Variants in NTRK2 observed in about 807,000 individuals in gnomAD.
NTRK2 encodes the protein BDNF/NT-3 growth factors receptor.
Under a neutral mutation model 94.5 loss-of-function variants are expected in NTRK2, and 13 were observed. The ratio of observed to expected loss-of-function variants is 0.14; its 90% CI spans 0.09 to 0.22. The LOEUF (loss-of-function observed/expected upper bound fraction) is 0.22. Among genes scored for constraint, NTRK2 ranks in the 10% least tolerant of loss-of-function variants. NTRK2 has a pLI of 1.00. For synonymous variants in NTRK2, 372 were observed against 407.4 expected (o/e 0.91, Z 1.05); for missense variants, 639 against 1,071.2 (o/e 0.60, Z 5.63).
At chr9:84,832,201 C>A (rs922328605) in intron 12 of NTRK2, among the ~76,000 whole-genome samples, 2 of 152,138 alleles carry the variant, frequency 1.3e-5, no homozygotes, top group Non-Finnish European at 2.9e-5. Context: ...AAGTTACATG[C>A]CTGTGATGTT....
chr9:84,860,010 T>TACCCTTGA (rs1168105725), intron 12 of NTRK2, among the ~76,000 whole-genome samples: 1 of 152,240 alleles, frequency 6.6e-6, no homozygotes, highest in East Asian at 1.9e-4. Context: ...AGCCTACCTT[T>TACCCTTGA]ACCCTTGAAC....
At chr9:84,895,314 A>G (rs1249847972) in intron 14 of NTRK2, among the ~76,000 whole-genome samples, 2 of 152,186 alleles carry the variant, frequency 1.3e-5, no homozygotes, top group Admixed American at 6.5e-5. Flanking sequence ...GGCACTTTTG[A>G]TCCATTAGCT....
chr9:84,672,139 A>G (rs1014364701), intron 2 of NTRK2, among the ~76,000 whole-genome samples: 3 of 152,174 alleles, frequency 2.0e-5, no homozygotes, highest in African/African-American at 7.2e-5. Context: ...TGTTTCTGCC[A>G]ACGTAGTTGA....
chr9:84,669,794 T>G lies in NTRK2; in HGVS notation c.-467T>G, dbSNP rs2058581516. 6.5e-6 allele frequency: 1 copy of G among 152,816 alleles called. No individual in the cohort carries two copies. Among genetic ancestry groups the G allele is most frequent in the Admixed American group, 6.5e-5 (1 of 15,286 alleles). 9.5% of individuals were successfully genotyped at this position (152,816 alleles called of 1,614,324 possible). On this transcript the variant is annotated 5_prime_UTR_variant, in exon 1 of 19. Coordinates refer to ENST00000277120, the MANE Select transcript of NTRK2 (RefSeq NM_006180.6). This position sits in a 1 kb window ranked among gnomAD's most constrained non-coding sequence, Gnocchi z 4.1. ...AATTGGGTTGGAGCAGGAGCCTCGC[T>G]GGCTGCTTCGCTCGCGCTCTACGCG...
chr9:84,993,086 C>T (rs1161620933), intron 17 of NTRK2, among the ~76,000 whole-genome samples: 2 of 152,232 alleles, frequency 1.3e-5, no homozygotes, highest in East Asian at 1.9e-4. Context: ...CTTGATACCA[C>T]ACCACCTTGT....
chr9:84,706,527 G>GTTT (rs71369141), intron 4 of NTRK2, among the ~76,000 whole-genome samples: 18 of 81,674 alleles, frequency 2.2e-4, no homozygotes, highest in South Asian at 5.3e-4. Context: ...TTTTGTTTTT[G>GTTT]TTTTTTTTTT....
intron 14 of NTRK2, among the ~76,000 whole-genome samples, chr9:84,920,948 A>G (rs1355090869): frequency 1.3e-5 from 2 of 152,182 alleles, no homozygotes; most frequent in Non-Finnish European, 2.9e-5. Flanking sequence ...ATCTACTCGG[A>G]ATATTTGATG....
At chr9:84,821,907 T>C (rs1376591464) in intron 12 of NTRK2, among the ~76,000 whole-genome samples, 3 of 152,048 alleles carry the variant, frequency 2.0e-5, no homozygotes, top group Non-Finnish European at 4.4e-5. Flanking sequence ...ATGAGGTGCA[T>C]TTTACATATT....
chr9:84,965,487 T>C (rs1433383630), intron 17 of NTRK2, among the ~76,000 whole-genome samples: 1 of 152,182 alleles, frequency 6.6e-6, no homozygotes. Context: ...GAAAATTCTC[T>C]GAAAGCAACA....
At chr9:84,799,794 T>C (rs2070170295) in intron 12 of NTRK2, among the ~76,000 whole-genome samples, 1 of 152,096 alleles carries the variant, frequency 6.6e-6, no homozygotes, top group Non-Finnish European at 1.5e-5. Context: ...AGAGGTGAGA[T>C]GAAATTAGGC....
chr9:84,809,739 G>A (rs138282616), intron 12 of NTRK2, among the ~76,000 whole-genome samples: 6 of 151,736 alleles, frequency 4.0e-5, no homozygotes, highest in East Asian at 1.9e-4. Context: ...AAAATTAGCC[G>A]CGCGTGGTGG....
intron 12 of NTRK2, among the ~76,000 whole-genome samples, chr9:84,757,820 T>C (rs1399073895): frequency 2.0e-5 from 3 of 152,218 alleles, no homozygotes; most frequent in African/African-American, 4.8e-5. Flanking sequence ...TTATTTCAAG[T>C]AATTTTCAAA....
chr9:84,820,211 T>C (rs1630945), intron 12 of NTRK2, among the ~76,000 whole-genome samples: 99,775 of 147,380 alleles, frequency 0.68, 34,046 homozygotes, highest in South Asian at 0.75. Flanking sequence ...GCTCTGTTGC[T>C]CAGGCTGGAG....
Position 85,026,866 on chromosome 9 carries a change from C to G in NTRK2, c.*5429C>G, listed in dbSNP as rs975975832. The G allele has an allele frequency of 8.6e-6, 2 of 232,754 alleles. No homozygotes were observed. Among genetic ancestry groups the G allele is most frequent in the Middle Eastern group, 1.3e-3 (1 of 782 alleles). The allele number at this position is 232,754 out of a possible 1,614,324, so 14.4% of individuals were successfully genotyped here. The stretch of plus-strand genomic sequence containing the variant: ...CTTGTTTTGCAATCTGTTTTGAGGT[C>G]CATTGCTTTACTAAGACCCACTGCA... On this transcript the variant is annotated 3_prime_UTR_variant, in exon 19 of 19. Coordinates refer to ENST00000277120, the MANE Select transcript of NTRK2 (RefSeq NM_006180.6).
chr9:84,902,993 C>G lies in NTRK2; in HGVS notation c.1634-31169C>G, dbSNP rs149242231. Reference sequence around the variant, plus strand: ...TATCTCAATGATTGTTCATTCCTTTCTCCACCCTAGCCTGCCTCATTATAG... The same window carrying G: ...TATCTCAATGATTGTTCATTCCTTTGTCCACCCTAGCCTGCCTCATTATAG... On this transcript the variant is annotated intron_variant, in intron 14 of 18. Coordinates refer to ENST00000277120, the MANE Select transcript of NTRK2 (RefSeq NM_006180.6). Among the ~76,000 whole-genome samples the G allele has an allele frequency of 1.6e-4, 24 of 152,328 alleles. No homozygotes were observed. The East Asian group carries it at 4.4e-3, about 28-fold the overall frequency.
At position 84,750,733 on chromosome 9, in the gene NTRK2, AG is replaced by A. The variant is rs776777584; in HGVS notation, c.1297-1252del. ...TTTACCATCTGACCTTTACAGCAAAAGTTTGCCAACTCCTGGTTTAGAGAAG... is the reference window on the plus strand; with the variant it reads ...TTTACCATCTGACCTTTACAGCAAAATTTGCCAACTCCTGGTTTAGAGAAG... On this transcript the variant is annotated intron_variant, in intron 11 of 18. Coordinates refer to ENST00000277120, the MANE Select transcript of NTRK2 (RefSeq NM_006180.6). Among the ~76,000 whole-genome samples the A allele has an allele frequency of 2.0e-4, 31 of 152,236 alleles. 1 individual carries two copies. Among genetic ancestry groups the A allele is most frequent in the Non-Finnish European group, 3.7e-4 (25 of 68,032 alleles).
At chr9:84,753,902 T>C (rs976573628) in intron 12 of NTRK2, among the ~76,000 whole-genome samples, 3 of 152,184 alleles carry the variant, frequency 2.0e-5, no homozygotes, top group African/African-American at 7.2e-5. Context: ...TGGGAATCCA[T>C]GGAGCAAAAT....
intron 14 of NTRK2, among the ~76,000 whole-genome samples, chr9:84,889,660 A>G (rs1232582127): frequency 6.6e-6 from 1 of 151,964 alleles, no homozygotes; most frequent in Non-Finnish European, 1.5e-5. Context: ...TGGTCAGCCA[A>G]ACTTAGCCTC....
At chr9:84,970,860 T>C (rs552039082) in intron 17 of NTRK2, among the ~76,000 whole-genome samples, 1 of 152,346 alleles carries the variant, frequency 6.6e-6, no homozygotes, top group East Asian at 1.9e-4. Context: ...GCTTAAATAG[T>C]TTATGTTAAA....
Sources: gnomAD v4.1 joint callset for allele counts (sites outside exome capture counted in the v4.1 genomes callset) on GRCh38, gnomAD v4.1.1 for gene constraint, Gnocchi (gnomAD v3.1) non-coding constraint, MANE v1.5 for transcripts, NCBI Gene and HGNC (gene_info 2026-07-23, HGNC 2026-07-21) for gene names.